RXRA: variants seen among roughly 807,000 people sequenced by gnomAD.
RXRA encodes retinoid X receptor alpha, also known as retinoic acid receptor RXR-alpha.
RXRA carries 5 observed loss-of-function variants against 44.5 expected under a neutral mutation model. That is an observed-to-expected ratio of 0.11 (90% CI 0.06 to 0.24). RXRA has a LOEUF of 0.24. Ranked by LOEUF, RXRA falls within the 10% of genes least tolerant of loss-of-function variation. The probability of loss-of-function intolerance (pLI) is 1.00; values close to 1 mark genes in which losing one functional copy is unlikely to be tolerated. For missense variants in RXRA, 412 were observed against 646.5 expected (o/e 0.64, Z 3.93); for synonymous variants, 291 against 271.4 (o/e 1.07, Z -0.71).
intron 1 of RXRA, among the ~76,000 whole-genome samples, chr9:134,355,592 C>A (rs868969235): frequency 6.6e-6 from 1 of 152,084 alleles, no homozygotes; most frequent in Non-Finnish European, 1.5e-5. Flanking sequence ...CAGTAGAGTC[C>A]GGCAGGGAGG....
intron 1 of RXRA, among the ~76,000 whole-genome samples, chr9:134,374,678 T>C (rs898424896): frequency 4.6e-5 from 7 of 152,224 alleles, no homozygotes; most frequent in Non-Finnish European, 1.0e-4. Flanking sequence ...GCACAGCAAG[T>C]GGGTGGTAAA....
intron 1 of RXRA, among the ~76,000 whole-genome samples, chr9:134,364,978 C>T (rs1830396034): frequency 6.6e-6 from 1 of 152,236 alleles, no homozygotes; most frequent in African/African-American, 2.4e-5. Flanking sequence ...TACCTGCCCT[C>T]TTACTTATGA....
At chr9:134,344,401 C>T (rs566448608) in intron 1 of RXRA, among the ~76,000 whole-genome samples, 4 of 152,338 alleles carry the variant, frequency 2.6e-5, no homozygotes, top group Non-Finnish European at 5.9e-5. Context: ...ATTGGGGTCC[C>T]GCCCCTTTGC....
intron 6 of RXRA, chr9:134,423,621 T>A (rs1365038346): frequency 2.0e-6 from 2 of 985,336 alleles, no homozygotes; most frequent in African/African-American, 1.7e-5. Flanking sequence ...CTTGACTTAA[T>A]CCCGCTGGCC....
Position 134,349,276 on chromosome 9 carries a change from G to C in RXRA, c.28+22617G>C, listed in dbSNP as rs782013724. On this transcript the variant is annotated intron_variant, in intron 1 of 9. Coordinates refer to ENST00000481739, the MANE Select transcript of RXRA (RefSeq NM_002957.6). The surrounding 1 kb of genome is among the most constrained non-coding windows in gnomAD (Gnocchi z 4.3). ...TCATGCTGGGCACATGGGGAGCCCT[G>C]CTGACCCCTGTTCTGCACCTGGACA... Among the ~76,000 whole-genome samples, 76 of 152,186 alleles carry C rather than the reference G, an allele frequency of 5.0e-4. 1 individual carries two copies. The highest frequency in any genetic ancestry group is 7.6e-4 in the Non-Finnish European group (52 of 68,014).
At chr9:134,387,175 G>T (rs1830732456) in intron 1 of RXRA, among the ~76,000 whole-genome samples, 1 of 152,240 alleles carries the variant, frequency 6.6e-6, no homozygotes, top group African/African-American at 2.4e-5. Context: ...TCCTGCTGGT[G>T]GAGGCCAGAG....
intron 1 of RXRA, among the ~76,000 whole-genome samples, chr9:134,368,896 ATG>A (rs1199430553): frequency 1.9e-4 from 6 of 31,782 alleles, no homozygotes; most frequent in African/African-American, 2.5e-4. Flanking sequence ...TGCAGGGGTT[ATG>A]TGTGTGTGGG....
intron 1 of RXRA, among the ~76,000 whole-genome samples, chr9:134,399,174 G>A (rs1203251475): frequency 6.6e-6 from 1 of 152,256 alleles, no homozygotes; most frequent in Non-Finnish European, 1.5e-5. Context: ...GGGGTCAGCT[G>A]AAGGTGGGTG....
In RXRA at chr9:134,401,613, G is replaced by A; in HGVS notation, c.29-19G>A. The A allele has an allele frequency of 6.2e-7, 1 of 1,612,562 alleles. No homozygotes were observed. The highest frequency in any genetic ancestry group is 2.2e-5 in the East Asian group (1 of 44,874). ...AGTCACCTGCACTGACCACTCTCCTGCGGCTTCTTGTCTTGCAGATTTCTC... is the reference window on the plus strand; with the variant it reads ...AGTCACCTGCACTGACCACTCTCCTACGGCTTCTTGTCTTGCAGATTTCTC... On this transcript the variant is annotated intron_variant, in intron 1 of 9. Transcript: ENST00000481739.
intron 1 of RXRA, among the ~76,000 whole-genome samples, chr9:134,378,302 G>A (rs928967112): frequency 2.6e-5 from 4 of 151,878 alleles, no homozygotes; most frequent in Admixed American, 1.3e-4. Flanking sequence ...GAGCCAGGCC[G>A]GTGCTGGTGT....
At chr9:134,392,981 C>G (rs1032052111) in intron 1 of RXRA, among the ~76,000 whole-genome samples, 1 of 151,976 alleles carries the variant, frequency 6.6e-6, no homozygotes, top group Non-Finnish European at 1.5e-5. Flanking sequence ...GCCTGCTCGT[C>G]CCTGTTAGGG....
At chr9:134,431,111 T>C (rs906883561) in intron 7 of RXRA, among the ~76,000 whole-genome samples, 5 of 152,214 alleles carry the variant, frequency 3.3e-5, no homozygotes, top group African/African-American at 9.6e-5. Flanking sequence ...CCAGGCTCCT[T>C]AGGCAACCAT....
intron 1 of RXRA, among the ~76,000 whole-genome samples, chr9:134,351,130 T>C (rs1479161589): frequency 1.3e-5 from 2 of 152,200 alleles, no homozygotes; most frequent in African/African-American, 4.8e-5. Context: ...TCTGAATGCT[T>C]TGCTTAGGAA....
chr9:134,349,182 G>C lies in RXRA; in HGVS notation c.28+22523G>C, dbSNP rs1282809546. ...GAGGGCCTGCACAGAGGGTCTTGCA[G>C]AAGAAGGGTCTGGCTGGGCCTGCAG... On this transcript the variant is annotated intron_variant, in intron 1 of 9. Transcript: ENST00000481739. This position sits in a 1 kb window ranked among gnomAD's most constrained non-coding sequence, Gnocchi z 4.3. Among the ~76,000 whole-genome samples the C allele has an allele frequency of 1.3e-5, 2 of 152,222 alleles. No homozygotes were observed. Among genetic ancestry groups the C allele is most frequent in the Admixed American group, 1.3e-4 (2 of 15,286 alleles).
intron 1 of RXRA, among the ~76,000 whole-genome samples, chr9:134,373,729 C>T (rs1411597713): frequency 6.6e-6 from 1 of 152,258 alleles, no homozygotes; most frequent in Admixed American, 6.5e-5. Context: ...GATGTCTCCT[C>T]CACCTTGCCA....
At chr9:134,351,453 C>T (rs1554749447) in intron 1 of RXRA, among the ~76,000 whole-genome samples, 1 of 152,324 alleles carries the variant, frequency 6.6e-6, no homozygotes, top group South Asian at 2.1e-4. Flanking sequence ...AGTCCTGACC[C>T]CAGCACCCTA....
intron 1 of RXRA, among the ~76,000 whole-genome samples, chr9:134,400,439 G>A (rs1564285530): frequency 6.6e-6 from 1 of 152,226 alleles, no homozygotes; most frequent in African/African-American, 2.4e-5. Context: ...GGCACGGAGG[G>A]CCTGAGAGCC....
At chr9:134,416,939 G>A (rs1831244320) in intron 4 of RXRA, among the ~76,000 whole-genome samples, 1 of 152,170 alleles carries the variant, frequency 6.6e-6, no homozygotes, top group Admixed American at 6.5e-5. Flanking sequence ...TGTGAACATT[G>A]ATTGGAATTA....
chr9:134,418,482 G>A (rs1252257366), intron 5 of RXRA, among the ~76,000 whole-genome samples: 1 of 152,108 alleles, frequency 6.6e-6, no homozygotes, highest in African/African-American at 2.4e-5. Context: ...TCCCTCTGTG[G>A]GCCCAGGCAC....
Sources: gnomAD v4.1 joint callset for allele counts (sites outside exome capture counted in the v4.1 genomes callset) on GRCh38, gnomAD v4.1.1 for gene constraint, Gnocchi (gnomAD v3.1) non-coding constraint, MANE v1.5 for transcripts, NCBI Gene and HGNC (gene_info 2026-07-23, HGNC 2026-07-21) for gene names.